The following STARD13 variants were observed in gnomAD, a reference collection of about 807,000 sequenced individuals.
STARD13 encodes stAR-related lipid transfer protein 13.
Under a neutral mutation model 106.4 loss-of-function variants are expected in STARD13, and 62 were observed. The observed-to-expected ratio is 0.58, with a 90% CI of 0.48 to 0.72. STARD13 has a LOEUF of 0.72. Among genes scored for constraint, STARD13 ranks in the 30% least tolerant of loss-of-function variants. STARD13 has a pLI of 0.00. For synonymous variants in STARD13, 565 were observed against 553.0 expected, an observed-to-expected ratio of 1.02 and a Z score of -0.31; for missense variants, 1,387 against 1,424.0, an observed-to-expected ratio of 0.97 and a Z score of 0.42.
the STARD13 span, among the ~76,000 whole-genome samples, chr13:33,436,660 T>C: frequency 1.3e-5 from 2 of 152,208 alleles, no homozygotes; most frequent in African/African-American, 4.8e-5. Flanking sequence ...GATGTTTCTT[T>C]CATCACTAGG....
intron 1 of STARD13, among the ~76,000 whole-genome samples, chr13:33,208,953 G>A (rs912881195): frequency 6.6e-6 from 1 of 152,200 alleles, no homozygotes; most frequent in African/African-American, 2.4e-5. Flanking sequence ...GCCACATAGT[G>A]AAATACTTTT....
chr13:33,583,518 C>T, the STARD13 span, among the ~76,000 whole-genome samples: 1 of 152,192 alleles, frequency 6.6e-6, no homozygotes, highest in Admixed American at 6.5e-5. Flanking sequence ...TCTACACTTT[C>T]CCTGCCTTTT....
the STARD13 span, among the ~76,000 whole-genome samples, chr13:33,399,620 G>C: frequency 7.1e-6 from 1 of 141,636 alleles, no homozygotes; most frequent in Non-Finnish European, 1.5e-5. Context: ...AGAATGGCAT[G>C]AACCCGGGAG....
the STARD13 span, among the ~76,000 whole-genome samples, chr13:33,657,259 C>A: frequency 1.3e-5 from 2 of 148,796 alleles, no homozygotes; most frequent in Non-Finnish European, 3.0e-5. Flanking sequence ...GACAGTGAGA[C>A]TCCGTCTCAA....
chr13:33,543,430 A>G, the STARD13 span, among the ~76,000 whole-genome samples: 1 of 152,256 alleles, frequency 6.6e-6, no homozygotes, highest in South Asian at 2.1e-4. Context: ...AATCAGAGAA[A>G]GGAAAAGTAA....
At chr13:33,642,170 C>T in the STARD13 span, among the ~76,000 whole-genome samples, 1 of 152,124 alleles carries the variant, frequency 6.6e-6, no homozygotes, top group Admixed American at 6.6e-5. Flanking sequence ...GGTGATTGAT[C>T]TTTTCTGACG....
the STARD13 span, among the ~76,000 whole-genome samples, chr13:33,531,042 G>A: frequency 1.3e-5 from 2 of 152,124 alleles, no homozygotes; most frequent in South Asian, 4.1e-4. Flanking sequence ...CAGGTGGGAG[G>A]TAACTGAATC....
At chr13:33,114,086 T>C (rs1875013832) in intron 8 of STARD13, among the ~76,000 whole-genome samples, 1 of 152,230 alleles carries the variant, frequency 6.6e-6, no homozygotes, top group South Asian at 2.1e-4. Context: ...ATCTTTTCTC[T>C]TACCCATTAA....
At chr13:33,511,345 C>A in the STARD13 span, 1 of 151,822 alleles carries the variant, frequency 6.6e-6, no homozygotes, top group African/African-American at 2.4e-5. Flanking sequence ...TTCTGCAGTC[C>A]AAGATATATT....
chr13:33,272,141 G>T lies in STARD13; in HGVS notation c.169+13329C>A, dbSNP rs139390879. 2.0e-3 allele frequency among the ~76,000 whole-genome samples: 305 copies of T among 152,324 alleles called. 1 individual carries two copies. Among genetic ancestry groups the T allele is most frequent in the African/African-American group, 6.9e-3 (287 of 41,574 alleles). ...TGAAAATAGTTCTTGGTACATCACA[G>T]TGGGTCCTCAACAAAAGTAGCTACA... On this transcript the variant is annotated intron_variant, in intron 1 of 13. Coordinates refer to ENST00000336934, the MANE Select transcript of STARD13 (RefSeq NM_178006.4).
At chr13:33,276,307 C>A (rs146741451) in intron 1 of STARD13, 1 of 152,032 alleles carries the variant, frequency 6.6e-6, no homozygotes, top group Admixed American at 6.6e-5. Flanking sequence ...AAGGGCCTTG[C>A]GATGGATTTC....
the STARD13 span, among the ~76,000 whole-genome samples, chr13:33,519,491 G>C: frequency 6.6e-6 from 1 of 151,312 alleles, no homozygotes; most frequent in Non-Finnish European, 1.5e-5. Flanking sequence ...TGCCCAGCTG[G>C]GAATTTTTTT....
the STARD13 span, among the ~76,000 whole-genome samples, chr13:33,372,489 T>C: frequency 6.6e-6 from 1 of 151,746 alleles, no homozygotes; most frequent in Admixed American, 6.6e-5. Context: ...CAATCTCGTA[T>C]GCCTTCTGAA....
chr13:33,109,000 C>T (rs559320776), intron 12 of STARD13, among the ~76,000 whole-genome samples: 1 of 152,244 alleles, frequency 6.6e-6, no homozygotes, highest in South Asian at 2.1e-4. Flanking sequence ...GGCCAATTCC[C>T]AAGTCATAAA....
In STARD13 at chr13:33,111,832, C is replaced by A. The variant is rs756947347; in HGVS notation, c.2553G>T (p.Leu851=). 1 of 1,614,156 alleles carries A rather than the reference C, an allele frequency of 6.2e-7. No homozygotes were observed. Among genetic ancestry groups the A allele is most frequent in the Non-Finnish European group, 8.5e-7 (1 of 1,180,014 alleles). Reference sequence around the variant, plus strand: ...TGTGCGCTAGCCCCTGAGCTGCTGCCAGATTCTCGTTGAGGTCCTTTTGAT... The same window carrying A: ...TGTGCGCTAGCCCCTGAGCTGCTGCAAGATTCTCGTTGAGGTCCTTTTGAT... The part of the protein sequence containing the change: ...KPDQKDLNEN[L]AAAQGLAHMI... The change falls in exon 10 of 14, where the codon CTG becomes CTT. Residue 851 remains leucine (L), a synonymous_variant. Transcript: ENST00000336934.
chr13:33,451,533 A>G, the STARD13 span, among the ~76,000 whole-genome samples: 1 of 152,172 alleles, frequency 6.6e-6, no homozygotes, highest in Admixed American at 6.5e-5. Context: ...CAAAGGGAGT[A>G]ACAGGGGAGG....
chr13:33,363,369 CCA>C, the STARD13 span, among the ~76,000 whole-genome samples: 1 of 152,336 alleles, frequency 6.6e-6, no homozygotes, highest in Middle Eastern at 3.4e-3. Flanking sequence ...ATGCAGGCCA[CCA>C]CACACTGTCA....
the STARD13 span, among the ~76,000 whole-genome samples, chr13:33,435,573 T>C: frequency 6.6e-6 from 1 of 152,184 alleles, no homozygotes; most frequent in Non-Finnish European, 1.5e-5. Context: ...TCTCTACATA[T>C]ATAGCCATAG....
chr13:33,635,045 C>G, the STARD13 span, among the ~76,000 whole-genome samples: 1 of 152,216 alleles, frequency 6.6e-6, no homozygotes, highest in South Asian at 2.1e-4. Context: ...TTTTTAAAGG[C>G]ATTTTTAAAC....
Sources: allele counts gnomAD v4.1 joint callset (sites outside exome capture counted in the v4.1 genomes callset), GRCh38; gene constraint gnomAD v4.1.1; transcripts MANE v1.5; gene names NCBI Gene and HGNC (gene_info 2026-07-23, HGNC 2026-07-21).